The following CTNNA3 variants were observed in gnomAD, a reference collection of about 807,000 sequenced individuals.
The protein encoded by CTNNA3 is catenin alpha 3, also known as catenin alpha-3.
CTNNA3 carries 76 observed loss-of-function variants against 95.7 expected under a neutral mutation model. That is an observed-to-expected ratio of 0.79 (90% confidence interval 0.66 to 0.96). The LOEUF (loss-of-function observed/expected upper bound fraction) is 0.96, where lower values mean the gene tolerates loss of function less well. Among genes scored for constraint, CTNNA3 ranks in the 40% least tolerant of loss-of-function variants. The pLI is 0.00. For synonymous variants in CTNNA3, 431 were observed against 374.4 expected (o/e 1.15, Z -1.74); for missense variants, 1,191 against 1,089.8 (o/e 1.09, Z -1.31).
intron 7 of CTNNA3, among the ~76,000 whole-genome samples, chr10:67,109,599 C>CT (rs1469253569): frequency 3.3e-5 from 5 of 152,180 alleles, no homozygotes; most frequent in African/African-American, 1.2e-4. Flanking sequence ...AATCCCAGCA[C>CT]TTTGGGAGGC....
At chr10:66,046,147 T>C (rs1476183582) in intron 15 of CTNNA3, among the ~76,000 whole-genome samples, 2 of 151,548 alleles carry the variant, frequency 1.3e-5, no homozygotes, top group Admixed American at 6.6e-5. Flanking sequence ...ACTGCCCACC[T>C]GGGAACAACA....
chr10:66,652,199 A>G (rs1845934968), intron 9 of CTNNA3, among the ~76,000 whole-genome samples: 1 of 151,946 alleles, frequency 6.6e-6, no homozygotes, highest in African/African-American at 2.4e-5. Context: ...AGAAAATGAT[A>G]GAAAAAAAAT....
At chr10:66,495,071 G>A (rs1161892064) in intron 11 of CTNNA3, among the ~76,000 whole-genome samples, 2 of 152,082 alleles carry the variant, frequency 1.3e-5, no homozygotes, top group African/African-American at 4.8e-5. Context: ...CCACCAATCA[G>A]TGCCAAATAT....
At chr10:66,789,649 A>G (rs1038005072) in intron 7 of CTNNA3, among the ~76,000 whole-genome samples, 6 of 152,176 alleles carry the variant, frequency 3.9e-5, no homozygotes, top group Admixed American at 3.9e-4. Context: ...GAAGAACAGA[A>G]GATATTGATT....
intron 5 of CTNNA3, among the ~76,000 whole-genome samples, chr10:67,475,691 C>T (rs888799832): frequency 6.6e-6 from 1 of 152,118 alleles, no homozygotes; most frequent in Admixed American, 6.5e-5. Flanking sequence ...CTCTTAATTT[C>T]AAAGATTTCT....
chr10:66,382,644 G>A (rs1253753189), intron 11 of CTNNA3, among the ~76,000 whole-genome samples: 1 of 152,200 alleles, frequency 6.6e-6, no homozygotes, highest in Non-Finnish European at 1.5e-5. Context: ...GTGGGTCCCT[G>A]ACCTCTGTGT....
At chr10:66,692,478 A>G (rs1423658983) in intron 9 of CTNNA3, among the ~76,000 whole-genome samples, 2 of 152,178 alleles carry the variant, frequency 1.3e-5, no homozygotes, top group Non-Finnish European at 1.5e-5. Flanking sequence ...GACCAAATCT[A>G]CATCTGATTG....
In CTNNA3 at chr10:66,927,856, T is replaced by G. The variant is rs781273962; in HGVS notation, c.1048-152332A>C. The G allele has an allele frequency of 6.2e-7, 1 of 1,614,250 alleles. No individual in the cohort carries two copies. Among genetic ancestry groups the G allele is most frequent in the Non-Finnish European group, 8.5e-7 (1 of 1,180,046 alleles). Reference sequence around the variant, plus strand: ...TGACATCAGTCTTGCTGGGAATATATGGGAATGCAGCAGAAATATTTGCTC... The same window carrying G: ...TGACATCAGTCTTGCTGGGAATATAGGGGAATGCAGCAGAAATATTTGCTC... On this transcript the variant is annotated intron_variant, in intron 7 of 17. Coordinates refer to ENST00000433211, the MANE Select transcript of CTNNA3 (RefSeq NM_013266.4). The surrounding 1 kb of genome is among the most constrained non-coding windows in gnomAD (Gnocchi z 4.7).
chr10:65,997,141 G>A lies in CTNNA3; in HGVS notation c.2160-8344C>T, dbSNP rs772442416. 3.9e-5 allele frequency among the ~76,000 whole-genome samples: 6 copies of A among 152,050 alleles called. No homozygotes were observed. The East Asian group carries it at 5.8e-4, about 15-fold the overall frequency. ...AAACATGAATTAAATTTATCTTCTCGTTTGTCTCATAGTGGTTCTCCCACT... is the reference window on the plus strand; with the variant it reads ...AAACATGAATTAAATTTATCTTCTCATTTGTCTCATAGTGGTTCTCCCACT... On this transcript the variant is annotated intron_variant, in intron 15 of 17. Transcript: ENST00000433211.
At chr10:67,186,239 C>A (rs953911232) in intron 6 of CTNNA3, among the ~76,000 whole-genome samples, 1 of 152,136 alleles carries the variant, frequency 6.6e-6, no homozygotes, top group Non-Finnish European at 1.5e-5. Flanking sequence ...GCTGTAAGTA[C>A]TGCAAGAAAA....
chr10:66,582,623 CTTTA>C (rs1404343673), intron 10 of CTNNA3, among the ~76,000 whole-genome samples: 1 of 151,658 alleles, frequency 6.6e-6, no homozygotes, highest in Non-Finnish European at 1.5e-5. Flanking sequence ...ATCGAATGCC[CTTTA>C]TTTATTTCTC....
intron 5 of CTNNA3, among the ~76,000 whole-genome samples, chr10:67,264,311 C>T (rs1866732270): frequency 6.6e-6 from 1 of 152,032 alleles, no homozygotes; most frequent in South Asian, 2.1e-4. Context: ...GTTGTTTGTG[C>T]CTCAGATTCC....
intron 11 of CTNNA3, among the ~76,000 whole-genome samples, chr10:66,397,152 A>T (rs1174880196): frequency 6.6e-6 from 1 of 151,680 alleles, no homozygotes; most frequent in Non-Finnish European, 1.5e-5. Flanking sequence ...AAATAGTGGC[A>T]TTATGAGTAG....
In CTNNA3 at chr10:66,009,363, C is replaced by A. The variant is rs543949033; in HGVS notation, c.2160-20566G>T. Among the ~76,000 whole-genome samples the A allele has an allele frequency of 4.6e-5, 7 of 152,204 alleles. No individual in the cohort carries two copies. In the East Asian group the frequency reaches 1.4e-3, roughly 30 times the overall value. On this transcript the variant is annotated intron_variant, in intron 15 of 17. Coordinates refer to ENST00000433211, the MANE Select transcript of CTNNA3 (RefSeq NM_013266.4). ...TAAGGAGGGTTATAAATCCAGGTAT[C>A]TTTGATTGTGATAATGTTGAAAGCT... is the stretch of plus-strand genomic sequence containing the variant.
Position 66,840,973 on chromosome 10 carries a change from T to A in CTNNA3, c.1048-65449A>T, listed in dbSNP as rs1209285337. ...GAAGGTTTCTTTCTAATTTTGTCAT[T>A]CTACAATCATGTATGTTACCTGTTC... On this transcript the variant is annotated intron_variant, in intron 7 of 17. Coordinates refer to ENST00000433211, the MANE Select transcript of CTNNA3 (RefSeq NM_013266.4). 2.0e-5 allele frequency among the ~76,000 whole-genome samples: 3 copies of A among 152,290 alleles called. No homozygotes were observed. The South Asian group carries it at 6.2e-4, about 32-fold the overall frequency.
intron 7 of CTNNA3, among the ~76,000 whole-genome samples, chr10:67,063,326 CCTGA>C (rs1855873324): frequency 6.6e-6 from 1 of 152,044 alleles, no homozygotes; most frequent in African/African-American, 2.4e-5. Flanking sequence ...AACAACATAG[CCTGA>C]GATAGGACAA....
At chr10:66,047,554 C>T (rs913216939) in intron 15 of CTNNA3, among the ~76,000 whole-genome samples, 3 of 152,076 alleles carry the variant, frequency 2.0e-5, no homozygotes, top group Non-Finnish European at 2.9e-5. Flanking sequence ...GAAGCATTCC[C>T]CTTGAAAACC....
chr10:66,086,615 A>T (rs1036869424), intron 14 of CTNNA3, among the ~76,000 whole-genome samples: 1 of 152,108 alleles, frequency 6.6e-6, no homozygotes, highest in Non-Finnish European at 1.5e-5. Flanking sequence ...ACCACAAAAA[A>T]CTTACCATCC....
At chr10:67,147,176 T>C (rs1054316540) in intron 7 of CTNNA3, among the ~76,000 whole-genome samples, 63 of 152,222 alleles carry the variant, frequency 4.1e-4, no homozygotes, top group African/African-American at 1.4e-3. Context: ...CCTGTTCAAA[T>C]TGCAATTTGT....
Sources: gnomAD v4.1 joint callset for allele counts (sites outside exome capture counted in the v4.1 genomes callset) on GRCh38, gnomAD v4.1.1 for gene constraint, Gnocchi (gnomAD v3.1) non-coding constraint, MANE v1.5 for transcripts, NCBI Gene and HGNC (gene_info 2026-07-23, HGNC 2026-07-21) for gene names.